MAF: variants seen among roughly 807,000 people sequenced by gnomAD.
The protein encoded by MAF is transcription factor Maf.
A neutral mutation model predicts 22.0 loss-of-function variants in MAF; 10 were observed. That is an observed-to-expected ratio of 0.45 (90% CI 0.28 to 0.77). The LOEUF (loss-of-function observed/expected upper bound fraction) is 0.77. Among genes scored for constraint, MAF ranks in the 30% least tolerant of loss-of-function variants. The pLI is 0.12. For missense variants in MAF, 544 were observed against 548.4 expected (o/e 0.99, Z 0.08); for synonymous variants, 337 against 255.8 (o/e 1.32, Z -3.03).
chr16:79,381,012 C>T, the MAF span, among the ~76,000 whole-genome samples: 1 of 152,262 alleles, frequency 6.6e-6, no homozygotes, highest in Non-Finnish European at 1.5e-5. Flanking sequence ...AGAGCTGCAT[C>T]CTGGCAGTCC....
At chr16:79,546,997 T>C in the MAF span, among the ~76,000 whole-genome samples, 1 of 152,172 alleles carries the variant, frequency 6.6e-6, no homozygotes, top group Non-Finnish European at 1.5e-5. Context: ...GACAGAACAT[T>C]TTAATTCACC....
At chr16:79,446,591 G>C in the MAF span, among the ~76,000 whole-genome samples, 6 of 152,272 alleles carry the variant, frequency 3.9e-5, no homozygotes, top group East Asian at 1.2e-3. Context: ...GGGATTGAAG[G>C]CACGTCTCAC....
the MAF span, among the ~76,000 whole-genome samples, chr16:79,298,496 C>A: frequency 3.3e-5 from 5 of 152,166 alleles, no homozygotes; most frequent in Non-Finnish European, 7.3e-5. Context: ...CCAGCTCCAA[C>A]TGGGGAGGGG....
the MAF span, among the ~76,000 whole-genome samples, chr16:79,382,728 A>C: frequency 6.6e-6 from 1 of 152,234 alleles, no homozygotes; most frequent in Non-Finnish European, 1.5e-5. Flanking sequence ...AGAGCATCAT[A>C]TCTCAGAAAA....
the MAF span, among the ~76,000 whole-genome samples, chr16:79,315,647 T>C: frequency 6.6e-6 from 1 of 152,218 alleles, no homozygotes; most frequent in Non-Finnish European, 1.5e-5. Flanking sequence ...TCCAACTCTG[T>C]CTGACTCTAA....
the MAF span, among the ~76,000 whole-genome samples, chr16:79,391,899 C>A: frequency 1.6e-3 from 77 of 48,372 alleles, no homozygotes; most frequent in Middle Eastern, 0.029. Context: ...GGAGGAGGAG[C>A]AGGAGGAGGA....
chr16:79,276,938 G>T, the MAF span, among the ~76,000 whole-genome samples: 2 of 152,034 alleles, frequency 1.3e-5, no homozygotes, highest in Non-Finnish European at 2.9e-5. Context: ...AATCCTTGAC[G>T]TACTCTGGCT....
At chr16:79,584,773 A>C (rs960153482), downstream of MAF, among the ~76,000 whole-genome samples, 1 of 152,250 alleles carries the variant, frequency 6.6e-6, no homozygotes, top group South Asian at 2.1e-4. Context: ...CTATTAAAGA[A>C]AACATTAATT....
chr16:79,315,290 G>A, the MAF span, among the ~76,000 whole-genome samples: 1,746 of 152,196 alleles, frequency 0.011, 23 homozygotes, highest in African/African-American at 0.039. Flanking sequence ...GAAAAATGAA[G>A]CCAGTTAGGG....
At chr16:79,346,967 T>A in the MAF span, among the ~76,000 whole-genome samples, 1 of 152,140 alleles carries the variant, frequency 6.6e-6, no homozygotes, top group East Asian at 1.9e-4. Flanking sequence ...CAACATTGGG[T>A]GTGACTGGTT....
chr16:79,344,787 A>G, the MAF span, among the ~76,000 whole-genome samples: 10 of 152,172 alleles, frequency 6.6e-5, no homozygotes, highest in African/African-American at 2.4e-4. Context: ...CATTTTTAAC[A>G]CATGCTTCCA....
the MAF span, among the ~76,000 whole-genome samples, chr16:79,244,980 T>C: frequency 6.6e-6 from 1 of 152,070 alleles, no homozygotes; most frequent in Non-Finnish European, 1.5e-5. Context: ...GTTTCCCTAT[T>C]TGATAAACGG....
At chr16:79,563,588 T>A in the MAF span, among the ~76,000 whole-genome samples, 1 of 152,200 alleles carries the variant, frequency 6.6e-6, no homozygotes, top group Non-Finnish European at 1.5e-5. Flanking sequence ...TACTTTTGAT[T>A]TATGGCATTT....
At chr16:79,557,938 GC>G in the MAF span, among the ~76,000 whole-genome samples, 1 of 151,936 alleles carries the variant, frequency 6.6e-6, no homozygotes, top group African/African-American at 2.4e-5. Context: ...TGACATTTAA[GC>G]CAAGGCCTGA....
the MAF span, among the ~76,000 whole-genome samples, chr16:79,328,850 C>T: frequency 6.6e-6 from 1 of 152,222 alleles, no homozygotes; most frequent in Admixed American, 6.5e-5. Context: ...CTGCCTTAAG[C>T]TTTGGCTAGT....
the MAF span, among the ~76,000 whole-genome samples, chr16:79,311,636 G>T: frequency 6.6e-6 from 1 of 152,092 alleles, no homozygotes; most frequent in Non-Finnish European, 1.5e-5. Flanking sequence ...GACTCAAAGC[G>T]CCTCTTTCTG....
the MAF span, among the ~76,000 whole-genome samples, chr16:79,556,037 TA>T: frequency 6.7e-6 from 1 of 149,652 alleles, no homozygotes; most frequent in South Asian, 2.1e-4. Context: ...TTAGTTTGTT[TA>T]GTTTAGTTTA....
At chr16:79,446,747 TA>T in the MAF span, among the ~76,000 whole-genome samples, 86,076 of 148,206 alleles carry the variant, frequency 0.58, 28,267 homozygotes, top group Non-Finnish European at 0.72. Flanking sequence ...CACCCATCTC[TA>T]AAAAAAAAAA....
chr16:79,425,261 C>G, the MAF span, among the ~76,000 whole-genome samples: 3 of 152,046 alleles, frequency 2.0e-5, no homozygotes, highest in African/African-American at 7.3e-5. Context: ...ATGGAGGTTC[C>G]TGTGGCTACA....
Sources: gnomAD v4.1 joint callset for allele counts (sites outside exome capture counted in the v4.1 genomes callset) on GRCh38, gnomAD v4.1.1 for gene constraint, MANE v1.5 for transcripts, NCBI Gene and HGNC (gene_info 2026-07-23, HGNC 2026-07-21) for gene names.